CACNA1D: variants seen among roughly 807,000 people sequenced by gnomAD.
The protein encoded by CACNA1D is voltage-dependent L-type calcium channel subunit alpha-1D.
CACNA1D carries 55 observed loss-of-function variants against 257.1 expected under a neutral mutation model. The ratio of observed to expected loss-of-function variants is 0.21; its 90% CI spans 0.17 to 0.27. CACNA1D has a LOEUF of 0.27. Ranked by LOEUF, CACNA1D falls within the 10% of genes least tolerant of loss-of-function variation. CACNA1D has a pLI of 1.00. For missense variants in CACNA1D, 1,876 were observed against 2,784.0 expected (o/e 0.67, Z 7.34); for synonymous variants, 980 against 1,014.9 (o/e 0.97, Z 0.65).
At position 53,767,579 on chromosome 3, in the gene CACNA1D, A is replaced by AAAAAAAC. The variant is rs1427694084; in HGVS notation, c.3871-2392_3871-2391insAAAACAA. Among the ~76,000 whole-genome samples, 11 of 151,764 alleles carry AAAAAAAC rather than the reference A, an allele frequency of 7.2e-5. No homozygotes were observed. In the East Asian group the frequency reaches 1.7e-3, roughly 24 times the overall value. On this transcript the variant is annotated intron_variant, in intron 30 of 47. Coordinates refer to ENST00000350061, the MANE Select transcript of CACNA1D (RefSeq NM_001128840.3). ...AGACTCTATCTCAAAAAAAAAAAAAAAACAACAAAATAAAATTCCCAACAT... is the reference window on the plus strand; with the variant it reads ...AGACTCTATCTCAAAAAAAAAAAAAAAAAAAACAACAACAAAATAAAATTCCCAACAT...
intron 30 of CACNA1D, chr3:53,765,363 A>G (rs2095326634): frequency 1.3e-5 from 2 of 152,708 alleles, no homozygotes; most frequent in East Asian, 1.9e-4. Flanking sequence ...ATTGTTTGCA[A>G]TGTTTAACCT....
At chr3:53,713,541 TGTGA>T (rs144165032) in intron 9 of CACNA1D, among the ~76,000 whole-genome samples, 14,165 of 126,514 alleles carry the variant, frequency 0.11, 811 homozygotes, top group Middle Eastern at 0.16. Context: ...TGTGTGTGTG[TGTGA>T]GAGATTTGCC....
chr3:53,769,019 C>T (rs776301770), intron 30 of CACNA1D, among the ~76,000 whole-genome samples: 7 of 152,250 alleles, frequency 4.6e-5, no homozygotes, highest in Admixed American at 3.9e-4. Flanking sequence ...GCTCTGGTTC[C>T]GCTGACTGTT....
At chr3:53,618,129 C>T (rs1297755784) in intron 3 of CACNA1D, among the ~76,000 whole-genome samples, 1 of 152,188 alleles carries the variant, frequency 6.6e-6, no homozygotes, top group Admixed American at 6.5e-5. Context: ...CCCGCCAGCT[C>T]TTGTGGTCCC....
intron 3 of CACNA1D, among the ~76,000 whole-genome samples, chr3:53,539,090 T>A (rs1575797263): frequency 6.6e-6 from 1 of 152,032 alleles, no homozygotes; most frequent in African/African-American, 2.4e-5. Flanking sequence ...TTTAAATGGA[T>A]CATGCTTCCT....
In CACNA1D at chr3:53,800,288, C is replaced by G; in HGVS notation, c.4963C>G (p.Arg1655Gly). The G allele has an allele frequency of 6.2e-7, 1 of 1,614,036 alleles. No individual in the cohort carries two copies. Among genetic ancestry groups the G allele is most frequent in the Non-Finnish European group, 8.5e-7 (1 of 1,179,880 alleles). ...ACTGCATGACATTGGGCCAGAAATC[C>G]GGCGTGCTATATCGTGTGATTTGCA... Reference protein sequence around the residue: ...RTLHDIGPEIRRAISCDLQDD... With the variant: ...RTLHDIGPEIGRAISCDLQDD... Residue 1655 changes from arginine to glycine, a missense_variant, in exon 41 of 48, where the codon CGG (arginine) becomes GGG (glycine). By Grantham distance (125) the Arg-to-Gly change is moderately radical. This residue lies in a region of CACNA1D where 160 missense variants were observed against 236.6 expected (regional missense o/e 0.68). Coordinates refer to ENST00000350061, the MANE Select transcript of CACNA1D (RefSeq NM_001128840.3). This position sits in a 1 kb window ranked among gnomAD's most constrained non-coding sequence, Gnocchi z 4.3.
Position 53,495,128 on chromosome 3 carries a change from G to A in CACNA1D, c.-39G>A. 9.1e-7 allele frequency: 1 copy of A among 1,103,496 alleles called. No individual in the cohort carries two copies. The highest frequency in any genetic ancestry group is 1.3e-6 in the Non-Finnish European group (1 of 774,654). 68.4% of individuals were successfully genotyped at this position (1,103,496 alleles called of 1,614,324 possible). ...CGCCCCCGCCTCAACGCCCAGCACA[G>A]TGCCCTGCACACAGTAGTCGCTCAA... On this transcript the variant is annotated 5_prime_UTR_variant, in exon 1 of 48. The change creates a new upstream start codon in the 5' untranslated region. Coordinates refer to ENST00000350061, the MANE Select transcript of CACNA1D (RefSeq NM_001128840.3). This position sits in a 1 kb window ranked among gnomAD's most constrained non-coding sequence, Gnocchi z 5.1.
At chr3:53,801,541 G>T in intron 42 of CACNA1D, 116 bp downstream of exon 42, 1 of 1,327,846 alleles carries the variant, frequency 7.5e-7, no homozygotes, top group Non-Finnish European at 1.1e-6. Context: ...GAGGTTCCCC[G>T]TAGGCATTTG....
At chr3:53,683,943 A>G (rs1352400889) in intron 8 of CACNA1D, among the ~76,000 whole-genome samples, 3 of 152,216 alleles carry the variant, frequency 2.0e-5, no homozygotes, top group Non-Finnish European at 4.4e-5. Context: ...AACAAACCTC[A>G]AGCAGGGGAA....
intron 21 of CACNA1D, among the ~76,000 whole-genome samples, chr3:53,740,958 A>G (rs2095111638): frequency 6.6e-6 from 1 of 152,150 alleles, no homozygotes; most frequent in Admixed American, 6.5e-5. Context: ...ACTTGGGTCT[A>G]TTTGTGTTAA....
At chr3:53,772,493 A>T (rs1377578798) in intron 32 of CACNA1D, among the ~76,000 whole-genome samples, 1 of 152,348 alleles carries the variant, frequency 6.6e-6, no homozygotes, top group South Asian at 2.1e-4. Context: ...TTGATCAATT[A>T]TAATTTCACC....
At chr3:53,589,966 T>A (rs191142065) in intron 3 of CACNA1D, among the ~76,000 whole-genome samples, 1 of 152,342 alleles carries the variant, frequency 6.6e-6, no homozygotes, top group Admixed American at 6.5e-5. Flanking sequence ...GCCTGCCTGC[T>A]CAGCATCACC....
chr3:53,730,369 T>C (rs1156888926), intron 15 of CACNA1D, 73 bp from the exon 16 acceptor site: 2 of 952,468 alleles, frequency 2.1e-6, no homozygotes, highest in Non-Finnish European at 1.7e-6. Flanking sequence ...TGCAGAGGTG[T>C]GTGGCGTTGC....
At chr3:53,680,469 G>A (rs1173562866) in intron 8 of CACNA1D, among the ~76,000 whole-genome samples, 2 of 152,024 alleles carry the variant, frequency 1.3e-5, no homozygotes, top group African/African-American at 4.8e-5. Context: ...TGACTTCTCT[G>A]TCCGCAGTTC....
chr3:53,785,512 GC>G (rs1351579990), intron 39 of CACNA1D: 2 of 152,218 alleles, frequency 1.3e-5, no homozygotes, highest in Non-Finnish European at 2.9e-5. Flanking sequence ...ACTAAGTGAA[GC>G]CCACCCCGGG....
Position 53,810,249 on chromosome 3 carries a change from G to A in CACNA1D, c.6143G>A (p.Arg2048Gln), listed in dbSNP as rs752571686. The A allele has an allele frequency of 2.1e-5, 34 of 1,613,718 alleles. No individual in the cohort carries two copies. The highest frequency in any genetic ancestry group is 6.7e-5 in the African/African-American group (5 of 74,866). Reference protein sequence around the residue: ...PASLTVPSSFRNKNSDKQRSA... With the variant: ...PASLTVPSSFQNKNSDKQRSA... ...AGCCTGACTGTCCCCAGCAGCTTCC[G>A]GAACAAAAACAGCGACAAGCAGAGG... The change falls in exon 47 of 48, where the codon CGG (arginine) becomes CAG (glutamine). Residue 2048 changes from arginine to glutamine, a missense_variant. Physicochemically the swap from Arg to Gln is conservative, Grantham distance 43. This residue lies in a region of CACNA1D where 491 missense variants were observed against 554.3 expected (regional missense o/e 0.89). Coordinates refer to ENST00000350061, the MANE Select transcript of CACNA1D (RefSeq NM_001128840.3).
intron 47 of CACNA1D, 126 bp downstream of exon 47, chr3:53,810,424 C>A: frequency 1.1e-6 from 1 of 887,910 alleles, no homozygotes; most frequent in Admixed American, 1.9e-5. Flanking sequence ...CAATCAGACA[C>A]TTCTGAGCAG....
At position 53,751,202 on chromosome 3, in the gene CACNA1D, GGGTATCTCAT is replaced by G. The variant is rs2095222548; in HGVS notation, c.3517-545_3517-536del. ...TTGTTAACACACTCTGGCTCCTGAA[GGGTATCTCAT>G]GTGGTTCCAACTGGGAGCATCCAGG... On this transcript the variant is annotated intron_variant, in intron 27 of 47. Transcript: ENST00000350061. The surrounding 1 kb of genome is among the most constrained non-coding windows in gnomAD (Gnocchi z 4.3). Among the ~76,000 whole-genome samples the G allele has an allele frequency of 6.6e-6, 1 of 152,216 alleles. No homozygotes were observed. The highest frequency in any genetic ancestry group is 2.4e-5 in the African/African-American group (1 of 41,458).
In CACNA1D at chr3:53,732,065, C is replaced by A; in HGVS notation, c.2456C>A (p.Pro819Gln). Residue 819 changes from proline (P) to glutamine (Q), a missense_variant, in exon 18 of 48, where the codon CCG (proline) becomes CAG (glutamine). Pro to Gln is a moderately conservative substitution (Grantham distance 76). Transcript: ENST00000350061. ...GAGGATGAAGACAAGGACCCCTATC[C>A]GCCTTGCGATGTGCCAGGTATGGTG... is the stretch of plus-strand genomic sequence containing the variant. ...REEDEDKDPY[P>Q]PCDVPVGEEE... is the part of the protein sequence containing the mutation. 1.2e-6 allele frequency: 2 copies of A among 1,612,728 alleles called. No homozygotes were observed. Among genetic ancestry groups the A allele is most frequent in the Non-Finnish European group, 1.7e-6 (2 of 1,178,660 alleles).
Sources: gnomAD v4.1 joint callset for allele counts (sites outside exome capture counted in the v4.1 genomes callset) on GRCh38, gnomAD v4.1.1 for gene constraint, gnomAD v4.1.1 regional missense constraint, Gnocchi (gnomAD v3.1) non-coding constraint, MANE v1.5 for transcripts, NCBI Gene and HGNC (gene_info 2026-07-23, HGNC 2026-07-21) for gene names.